ACSS3: variants seen among roughly 807,000 people sequenced by gnomAD.
ACSS3 encodes acyl-CoA synthetase short-chain family member 3, mitochondrial.
ACSS3 carries 64 observed loss-of-function variants against 84.2 expected under a neutral mutation model. That is an observed-to-expected ratio of 0.76 (90% CI 0.62 to 0.94). The LOEUF (loss-of-function observed/expected upper bound fraction) is 0.94. ACSS3 is among the 40% of genes least tolerant of loss of function. ACSS3 has a pLI of 0.00. For synonymous variants in ACSS3, 317 were observed against 310.1 expected (o/e 1.02, Z -0.23); for missense variants, 815 against 867.6 (o/e 0.94, Z 0.76).
intron 2 of ACSS3, 72 bp downstream of exon 2, chr12:81,109,776 T>G (rs1410502526): frequency 4.0e-6 from 5 of 1,250,316 alleles, no homozygotes; most frequent in Admixed American, 2.7e-5. Flanking sequence ...ACATTCTCAT[T>G]GTAGAGCCTT....
chr12:81,199,588 A>T, intron 9 of ACSS3, 144 bp downstream of exon 9: 1 of 1,482,358 alleles, frequency 6.7e-7, no homozygotes, highest in Non-Finnish European at 9.1e-7. Context: ...AAAATAAGCA[A>T]TTTTTTTATT....
chr12:81,224,397 G>T (rs2033202988), intron 11 of ACSS3, among the ~76,000 whole-genome samples: 1 of 151,816 alleles, frequency 6.6e-6, no homozygotes, highest in Admixed American at 6.6e-5. Context: ...AAGAAGAAAG[G>T]TGTTAATTTG....
chr12:81,226,964 T>TACAC lies in ACSS3; in HGVS notation c.1515-4069_1515-4066dup, dbSNP rs34439721. ...CCGAAGAAATAGAACCAATAGGATT[T>TACAC]ACACACACACACACACACACACACA... is the stretch of plus-strand genomic sequence containing the variant. On this transcript the variant is annotated intron_variant, in intron 11 of 15. Coordinates refer to ENST00000548058, the MANE Select transcript of ACSS3 (RefSeq NM_024560.4). Among the ~76,000 whole-genome samples, 864 of 149,018 alleles carry TACAC rather than the reference T, an allele frequency of 5.8e-3. 23 individuals are homozygous for TACAC. Among genetic ancestry groups the TACAC allele is most frequent in the Admixed American group, 0.042 (631 of 14,914 alleles).
chr12:81,202,635 A>G (rs1261970919), intron 9 of ACSS3, among the ~76,000 whole-genome samples: 1 of 152,132 alleles, frequency 6.6e-6, no homozygotes, highest in Non-Finnish European at 1.5e-5. Flanking sequence ...GATATTTTTT[A>G]CATACTTGCA....
intron 2 of ACSS3, among the ~76,000 whole-genome samples, chr12:81,126,018 G>A (rs773043467): frequency 5.3e-5 from 8 of 152,118 alleles, no homozygotes; most frequent in African/African-American, 9.7e-5. Flanking sequence ...CTTTTAAAGA[G>A]GATGAACATT....
chr12:81,107,280 A>C (rs945815156), intron 1 of ACSS3, among the ~76,000 whole-genome samples: 5 of 152,048 alleles, frequency 3.3e-5, no homozygotes, highest in African/African-American at 9.6e-5. Context: ...GAGCTGGCAA[A>C]GAAGTAGGAG....
chr12:81,178,475 T>TA (rs71098126), intron 8 of ACSS3, among the ~76,000 whole-genome samples: 69,556 of 150,296 alleles, frequency 0.46, 16,483 homozygotes, highest in Non-Finnish European at 0.52. Context: ...AATAATAAAA[T>TA]AAAAAAAAAC....
chr12:81,207,308 C>T (rs1028415836), intron 9 of ACSS3, among the ~76,000 whole-genome samples: 1 of 152,110 alleles, frequency 6.6e-6, no homozygotes, highest in African/African-American at 2.4e-5. Context: ...CAAAACAATT[C>T]CCAATTCCTC....
chr12:81,227,972 C>T (rs2033327294), intron 11 of ACSS3, among the ~76,000 whole-genome samples: 1 of 151,758 alleles, frequency 6.6e-6, no homozygotes, highest in Non-Finnish European at 1.5e-5. Flanking sequence ...CCTCTGTAAT[C>T]CAAAGGGAAC....
At chr12:81,128,181 T>A (rs77542455) in intron 2 of ACSS3, among the ~76,000 whole-genome samples, 7,317 of 132,256 alleles carry the variant, frequency 0.055, 446 homozygotes, top group African/African-American at 0.15. Flanking sequence ...CTGTATGTGA[T>A]TTTTTTTTTC....
chr12:81,139,797 G>C (rs1189542166), intron 4 of ACSS3, among the ~76,000 whole-genome samples: 1 of 151,386 alleles, frequency 6.6e-6, no homozygotes, highest in Non-Finnish European at 1.5e-5. Context: ...CACCACACCC[G>C]GCTAATTTTT....
At chr12:81,148,172 T>A (rs1886434768) in intron 5 of ACSS3, among the ~76,000 whole-genome samples, 1 of 151,894 alleles carries the variant, frequency 6.6e-6, no homozygotes, top group Non-Finnish European at 1.5e-5. Context: ...AAAAAAAAAC[T>A]TATATTTTTA....
Position 81,102,157 on chromosome 12 carries a change from G to A in ACSS3, c.312-7403G>A, listed in dbSNP as rs137909200. On this transcript the variant is annotated intron_variant, in intron 1 of 15. Transcript: ENST00000548058. Reference sequence around the variant, plus strand: ...AGTGTCAAGATATCGGTAGTTGAGTGAAGTACATTTCAGAATCTGAATAAA... The same window carrying A: ...AGTGTCAAGATATCGGTAGTTGAGTAAAGTACATTTCAGAATCTGAATAAA... 6.0e-4 allele frequency among the ~76,000 whole-genome samples: 92 copies of A among 152,100 alleles called. 1 individual carries two copies. Among genetic ancestry groups the A allele is most frequent in the African/African-American group, 2.1e-3 (88 of 41,504 alleles).
intron 7 of ACSS3, among the ~76,000 whole-genome samples, chr12:81,173,957 A>C (rs1593159135): frequency 7.1e-6 from 1 of 140,174 alleles, no homozygotes; most frequent in Non-Finnish European, 1.6e-5. Flanking sequence ...ATATATATAT[A>C]TCCAAGACAT....
intron 1 of ACSS3, among the ~76,000 whole-genome samples, chr12:81,103,332 C>G (rs911848243): frequency 1.3e-5 from 2 of 152,124 alleles, no homozygotes; most frequent in African/African-American, 2.4e-5. Flanking sequence ...CTTTTATAAT[C>G]TGGGGAGACA....
At chr12:81,189,594 G>A (rs2135867622) in intron 8 of ACSS3, among the ~76,000 whole-genome samples, 2 of 151,892 alleles carry the variant, frequency 1.3e-5, no homozygotes, top group Middle Eastern at 6.8e-3. Context: ...CTTTATTTTG[G>A]ATCCAAGTCC....
At chr12:81,210,565 G>A (rs1025435941) in intron 9 of ACSS3, among the ~76,000 whole-genome samples, 7 of 152,128 alleles carry the variant, frequency 4.6e-5, no homozygotes, top group Non-Finnish European at 7.3e-5. Flanking sequence ...GAACCAAACT[G>A]ATATGGGGAT....
intron 10 of ACSS3, among the ~76,000 whole-genome samples, chr12:81,218,033 T>C (rs2032984014): frequency 6.6e-6 from 1 of 152,168 alleles, no homozygotes; most frequent in South Asian, 2.1e-4. Flanking sequence ...GTATAAATTA[T>C]ACAAGTCACA....
At chr12:81,174,196 G>A (rs1001854742) in intron 7 of ACSS3, among the ~76,000 whole-genome samples, 2 of 152,188 alleles carry the variant, frequency 1.3e-5, no homozygotes, top group East Asian at 3.9e-4. Flanking sequence ...CAAATTGTGA[G>A]ATTTTTATGC....
Sources: gnomAD v4.1 joint callset for allele counts (sites outside exome capture counted in the v4.1 genomes callset) on GRCh38, gnomAD v4.1.1 for gene constraint, MANE v1.5 for transcripts, NCBI Gene and HGNC (gene_info 2026-07-23, HGNC 2026-07-21) for gene names.